SLC46A2: variants seen among roughly 807,000 people sequenced by gnomAD.
SLC46A2 encodes solute carrier family 46 member 2.
A neutral mutation model predicts 33.1 loss-of-function variants in SLC46A2; 25 were observed. That is an observed-to-expected ratio of 0.76 (90% CI 0.55 to 1.06). The LOEUF (loss-of-function observed/expected upper bound fraction) is 1.06, where lower values mean the gene tolerates loss of function less well. Ranked by LOEUF, SLC46A2 falls within the 50% of genes least tolerant of loss-of-function variation. SLC46A2 has a pLI of 0.00. For missense variants in SLC46A2, 622 were observed against 621.7 expected, an observed-to-expected ratio of 1.00 and a Z score of 0.00; for synonymous variants, 254 against 275.9, an observed-to-expected ratio of 0.92 and a Z score of 0.79.
rs144917707 is a variant in SLC46A2 at position 112,890,828 on chromosome 9, G to C, written c.-147C>G. Reference sequence around the variant, plus strand: ...GGAGCGCGAGTGTGCTCCGTGCGCCGGGAGCGCGCCGGCCAGTGGCGAGCA... The same window carrying C: ...GGAGCGCGAGTGTGCTCCGTGCGCCCGGAGCGCGCCGGCCAGTGGCGAGCA... On this transcript the variant is annotated 5_prime_UTR_variant, in exon 1 of 4. Coordinates refer to ENST00000374228, the MANE Select transcript of SLC46A2 (RefSeq NM_033051.4). This position sits in a 1 kb window ranked among gnomAD's most constrained non-coding sequence, Gnocchi z 6.0. 3.1e-6 allele frequency: 3 copies of C among 962,500 alleles called. No homozygotes were observed. The highest frequency in any genetic ancestry group is 3.3e-4 in the Middle Eastern group (1 of 3,062). 59.6% of individuals were successfully genotyped at this position (962,500 alleles called of 1,614,324 possible).
intron 2 of SLC46A2, 90 bp from the exon 3 acceptor site, chr9:112,886,706 C>T (rs1180828583): frequency 1.5e-6 from 2 of 1,365,914 alleles, no homozygotes; most frequent in Admixed American, 2.0e-5. Flanking sequence ...CTTAGGGGAC[C>T]CTTCCTTCTT....
chr9:112,883,963 G>A (rs1440538930), intron 3 of SLC46A2, among the ~76,000 whole-genome samples: 1 of 152,188 alleles, frequency 6.6e-6, no homozygotes, highest in Non-Finnish European at 1.5e-5. Context: ...CCAAAGTGCT[G>A]GGATTACAGG....
At chr9:112,882,574 C>CTCAG (rs1841593955) in intron 3 of SLC46A2, among the ~76,000 whole-genome samples, 1 of 152,064 alleles carries the variant, frequency 6.6e-6, no homozygotes, top group Admixed American at 6.5e-5. Flanking sequence ...CAGAGGCTAA[C>CTCAG]TCAGTCATCC....
Position 112,889,705 on chromosome 9 carries a change from G to GCAGC in SLC46A2, c.973_976dup (p.Ala326GlyfsTer133), listed in dbSNP as rs1841700210. The GCAGC allele has an allele frequency of 1.1e-5, 17 of 1,613,766 alleles. No individual in the cohort carries two copies. The highest frequency in any genetic ancestry group is 1.2e-5 in the Non-Finnish European group (14 of 1,179,938). On this transcript the variant is annotated frameshift_variant, in exon 1 of 4. Coordinates refer to ENST00000374228, the MANE Select transcript of SLC46A2 (RefSeq NM_033051.4). LOFTEE classifies it high-confidence loss of function. The stretch of plus-strand genomic sequence containing the variant: ...GCTGGTGATGAAGATGGTGTACCCT[G>GCAGC]CAGCCATACCATAGCCCACCTGCAC...
chr9:112,890,344 A>T lies in SLC46A2; in HGVS notation c.338T>A (p.Leu113Gln). ...GAGGCGGGAGAGCAGGAAGCCCAGC[A>T]GCGACATGCAGATGGAGATCTTTCG... Reference protein sequence around the residue: ...YHRKISICMSLLGFLLSRLGL... With the variant: ...YHRKISICMSQLGFLLSRLGL... Residue 113 changes from leucine to glutamine, a missense_variant, in exon 1 of 4, where the codon CTG (leucine) becomes CAG (glutamine). Physicochemically the swap from Leu to Gln is moderately radical, Grantham distance 113. Coordinates refer to ENST00000374228, the MANE Select transcript of SLC46A2 (RefSeq NM_033051.4). The surrounding 1 kb of genome is among the most constrained non-coding windows in gnomAD (Gnocchi z 6.0). 1.2e-6 allele frequency: 2 copies of T among 1,613,994 alleles called. No homozygotes were observed. The highest frequency in any genetic ancestry group is 1.3e-5 in the African/African-American group (1 of 75,062).
chr9:112,888,869 C>T (rs542005328), intron 1 of SLC46A2, among the ~76,000 whole-genome samples: 7 of 86,064 alleles, frequency 8.1e-5, no homozygotes, highest in African/African-American at 5.4e-4. Context: ...TTCCACTCCT[C>T]CACGTTTTTT....
intron 3 of SLC46A2, among the ~76,000 whole-genome samples, chr9:112,884,651 C>T (rs980278542): frequency 1.3e-5 from 2 of 152,222 alleles, no homozygotes; most frequent in African/African-American, 2.4e-5. Flanking sequence ...TTTGTTTGCA[C>T]GTGTCTCTCT....
At chr9:112,885,440 G>GTATATATATATATATATATATGTGTA in intron 3 of SLC46A2, 1 of 147,552 alleles carries the variant, frequency 6.8e-6, no homozygotes, top group Non-Finnish European at 1.5e-5. Context: ...ATATATATGT[G>GTATATATATATATATATATATGTGTA]TATATATATA....
chr9:112,887,174 C>T (rs1218824235), intron 2 of SLC46A2, among the ~76,000 whole-genome samples, 156 bp downstream of exon 2: 1 of 152,174 alleles, frequency 6.6e-6, no homozygotes, highest in East Asian at 1.9e-4. Flanking sequence ...TACCCGTCTC[C>T]ACTCTCTGTG....
rs530878380 is a variant in SLC46A2 at position 112,889,981 on chromosome 9, G to A, written c.701C>T (p.Ala234Val). The A allele has an allele frequency of 1.2e-6, 2 of 1,614,128 alleles. No individual in the cohort carries two copies. Among genetic ancestry groups the A allele is most frequent in the South Asian group, 1.1e-5 (1 of 91,082 alleles). ...LLVLKVPESV[A>V]KPSQELPAVD... Reference sequence around the variant, plus strand: ...GGCGGGGAGCTCCTGGCTGGGTTTGGCCACCGACTCAGGGACCTTTAGCAC... The same window carrying A: ...GGCGGGGAGCTCCTGGCTGGGTTTGACCACCGACTCAGGGACCTTTAGCAC... The change falls in exon 1 of 4, where the codon GCC becomes GTC. Residue 234 changes from alanine (A) to valine (V), a missense_variant. Physicochemically the swap from Ala to Val is moderately conservative, Grantham distance 64. Coordinates refer to ENST00000374228, the MANE Select transcript of SLC46A2 (RefSeq NM_033051.4).
In SLC46A2 at chr9:112,879,123, C is replaced by G. The variant is rs1384580909; in HGVS notation, c.*639G>C. 3 of 152,218 alleles carry G rather than the reference C, an allele frequency of 2.0e-5. No homozygotes were observed. Among genetic ancestry groups the G allele is most frequent in the African/African-American group, 7.2e-5 (3 of 41,466 alleles). 9.4% of individuals were successfully genotyped at this position (152,218 alleles called of 1,614,324 possible). A position where few individuals can be genotyped will look rare whatever the true frequency, so the allele number is the denominator to read the frequency against. ...CCTTGTGACATTTGCTTCTTAAAAG[C>G]AACAGTAGTAACAAAACTACCCAGA... is the stretch of plus-strand genomic sequence containing the variant. On this transcript the variant is annotated 3_prime_UTR_variant, in exon 4 of 4. Transcript: ENST00000374228.
Position 112,890,261 on chromosome 9 carries a change from C to A in SLC46A2, c.421G>T (p.Ala141Ser). 6.2e-7 allele frequency: 1 copy of A among 1,613,340 alleles called. No homozygotes were observed. Among genetic ancestry groups the A allele is most frequent in the Non-Finnish European group, 8.5e-7 (1 of 1,179,884 alleles). The change falls in exon 1 of 4, where the codon GCG becomes TCG. Residue 141 changes from alanine (A) to serine (S), a missense_variant. Ala to Ser is a moderately conservative substitution (Grantham distance 99). Transcript: ENST00000374228. This position sits in a 1 kb window ranked among gnomAD's most constrained non-coding sequence, Gnocchi z 6.0. ...AAGCCGCCGAATAGCCCGTTCAGCG[C>A]CGCCGCCCCGTACAGCACCTCCACT... The part of the protein sequence containing the change: ...WPVEVLYGAA[A>S]LNGLFGGFSA...
In SLC46A2 at chr9:112,879,525, G is replaced by A. The variant is rs916611059; in HGVS notation, c.*237C>T. On this transcript the variant is annotated 3_prime_UTR_variant, in exon 4 of 4. Coordinates refer to ENST00000374228, the MANE Select transcript of SLC46A2 (RefSeq NM_033051.4). The stretch of plus-strand genomic sequence containing the variant: ...TCATGCTCTGCTGTCACAGAACCCA[G>A]TGTCTGCCTAATGGGGGTGTCTTAA... 6 of 493,972 alleles carry A rather than the reference G, an allele frequency of 1.2e-5. No homozygotes were observed. Among genetic ancestry groups the A allele is most frequent in the African/African-American group, 9.6e-5 (5 of 52,166 alleles). 30.6% of individuals were successfully genotyped at this position (493,972 alleles called of 1,614,324 possible).
intron 1 of SLC46A2, among the ~76,000 whole-genome samples, chr9:112,888,246 C>T (rs898832369): frequency 3.3e-5 from 5 of 152,112 alleles, no homozygotes; most frequent in African/African-American, 9.7e-5. Flanking sequence ...CATCGCACTC[C>T]AGCCTGGGCA....
intron 3 of SLC46A2, among the ~76,000 whole-genome samples, chr9:112,882,066 G>C (rs1841584146): frequency 6.6e-6 from 1 of 152,088 alleles, no homozygotes; most frequent in Admixed American, 6.5e-5. Context: ...CTTATGCAGG[G>C]CTTTGTTGCC....
chr9:112,881,365 C>G (rs1438474601), intron 3 of SLC46A2: 1 of 152,236 alleles, frequency 6.6e-6, no homozygotes, highest in Non-Finnish European at 1.5e-5. Flanking sequence ...TTCCCGCCTT[C>G]TATGAGTGCT....
Position 112,886,537 on chromosome 9 carries a change from C to T in SLC46A2, c.1293G>A (p.Gln431=). The part of the protein sequence containing the change: ...VTSTLYNKIY[Q]LTMDMFVGSC... ...AGCCCACAAACATGTCCATGGTGAG[C>T]TGGTAGATCTTGTTGTACAAGGTGG... Residue 431 remains glutamine, a synonymous_variant, in exon 3 of 4, where the codon CAG becomes CAA. Transcript: ENST00000374228. 1 of 1,614,148 alleles carries T rather than the reference C, an allele frequency of 6.2e-7. No homozygotes were observed. The highest frequency in any genetic ancestry group is 1.1e-5 in the South Asian group (1 of 91,070).
chr9:112,880,118 G>A (rs1157369106), intron 3 of SLC46A2: 10 of 248,360 alleles, frequency 4.0e-5, no homozygotes, highest in Non-Finnish European at 7.7e-5. Flanking sequence ...ATCACCTGAA[G>A]TCAGGAGTTC....
rs937109314 is a variant in SLC46A2 at position 112,890,596 on chromosome 9, G to T, written c.86C>A (p.Ser29Tyr). The T allele has an allele frequency of 6.2e-7, 1 of 1,610,046 alleles. No homozygotes were observed. Among genetic ancestry groups the T allele is most frequent in the East Asian group, 2.2e-5 (1 of 44,860 alleles). ...RTWVEPVVAS[S>Y]QVAASLYDAG... The stretch of plus-strand genomic sequence containing the variant: ...ATCGTAGAGGGAGGCAGCCACCTGG[G>T]ACGAGGCCACCACGGGCTCAACCCA... The change falls in exon 1 of 4, where the codon TCC becomes TAC. Residue 29 changes from serine (S) to tyrosine (Y), a missense_variant. Coordinates refer to ENST00000374228, the MANE Select transcript of SLC46A2 (RefSeq NM_033051.4). The surrounding 1 kb of genome is among the most constrained non-coding windows in gnomAD (Gnocchi z 6.0).
Sources: gnomAD v4.1 joint callset for allele counts (sites outside exome capture counted in the v4.1 genomes callset) on GRCh38, gnomAD v4.1.1 for gene constraint, Gnocchi (gnomAD v3.1) non-coding constraint, MANE v1.5 for transcripts, NCBI Gene and HGNC (gene_info 2026-07-23, HGNC 2026-07-21) for gene names.